MON2: variants seen among roughly 807,000 people sequenced by gnomAD.
MON2 encodes the protein MON2 regulator of endosome-to-Golgi trafficking.
Under a neutral mutation model 208.6 loss-of-function variants are expected in MON2, and 84 were observed. That is an observed-to-expected ratio of 0.40 (90% CI 0.34 to 0.48). The LOEUF is 0.48. MON2 is among the 20% of genes least tolerant of loss of function. The pLI, the probability that MON2 is intolerant of heterozygous loss-of-function variation, is 0.59. For synonymous variants in MON2, 660 were observed against 694.0 expected, an observed-to-expected ratio of 0.95 and a Z score of 0.77; for missense variants, 1,611 against 2,015.4, an observed-to-expected ratio of 0.80 and a Z score of 3.84.
intron 11 of MON2, among the ~76,000 whole-genome samples, chr12:62,528,029 C>T (rs555400473): frequency 6.6e-6 from 1 of 152,186 alleles, no homozygotes; most frequent in African/African-American, 2.4e-5. Flanking sequence ...TTAATTTTCT[C>T]TTCTTTAAGA....
rs1187465581 is a variant in MON2, at chr12:62,477,764, A to G, written c.112-6406A>G. Reference sequence around the variant, plus strand: ...CCTAACTGCTCCCCACCTCACCTCCATTCCTGCGCAAGTTACATAATGCTA... The same window carrying G: ...CCTAACTGCTCCCCACCTCACCTCCGTTCCTGCGCAAGTTACATAATGCTA... On this transcript the variant is annotated intron_variant, in intron 1 of 34. Transcript: ENST00000393630. Among the ~76,000 whole-genome samples the G allele has an allele frequency of 3.9e-5, 6 of 152,034 alleles. No homozygotes were observed. In the East Asian group the frequency reaches 1.2e-3, roughly 29 times the overall value.
chr12:62,566,162 T>C, intron 28 of MON2, 131 bp downstream of exon 28: 1 of 1,334,194 alleles, frequency 7.5e-7, no homozygotes, highest in South Asian at 1.4e-5. Flanking sequence ...AAATTATTTT[T>C]TTCATGAAGT....
chr12:62,557,411 G>A (rs1445222899), intron 25 of MON2, among the ~76,000 whole-genome samples: 1 of 152,188 alleles, frequency 6.6e-6, no homozygotes, highest in East Asian at 1.9e-4. Context: ...AGAGGCAAGG[G>A]TTGATGCTAC....
chr12:62,528,782 G>T (rs2072468807), intron 11 of MON2, among the ~76,000 whole-genome samples: 1 of 152,126 alleles, frequency 6.6e-6, no homozygotes, highest in African/African-American at 2.4e-5. Flanking sequence ...GCTCTCAAAG[G>T]CTAATTGGCC....
At chr12:62,509,695 T>A (rs1176937493) in intron 8 of MON2, among the ~76,000 whole-genome samples, 1 of 152,146 alleles carries the variant, frequency 6.6e-6, no homozygotes, top group East Asian at 1.9e-4. Context: ...ATACCAGGTA[T>A]CTTCTGTGAC....
Position 62,495,065 on chromosome 12 carries a change from G to A in MON2, c.353G>A (p.Ser118Asn), listed in dbSNP as rs766554700. 1.2e-6 allele frequency: 2 copies of A among 1,611,052 alleles called. No homozygotes were observed. The highest frequency in any genetic ancestry group is 1.3e-5 in the African/African-American group (1 of 74,876). Residue 118 changes from serine (S) to asparagine (N), a missense_variant, in exon 4 of 35, where the codon AGT becomes AAT. Transcript: ENST00000393630. ...ATGCTTTGGCAGCTAATGGAGAATA[G>A]TCTTGAAGAACTTAAGCTACTTCAA... ...INMLWQLMEN[S>N]LEELKLLQTV...
chr12:62,573,426 C>G (rs1012700145), intron 30 of MON2, among the ~76,000 whole-genome samples: 6 of 139,544 alleles, frequency 4.3e-5, no homozygotes, highest in African/African-American at 1.3e-4. Flanking sequence ...AGTAAAACTT[C>G]TTTAAGTATT....
chr12:62,583,782 C>T (rs2935141), intron 32 of MON2, among the ~76,000 whole-genome samples: 2 of 146,706 alleles, frequency 1.4e-5, no homozygotes, highest in Non-Finnish European at 3.0e-5. Flanking sequence ...AACCCTGTCT[C>T]TACTAAAAAA....
chr12:62,584,427 G>T (rs1208418588), intron 32 of MON2, among the ~76,000 whole-genome samples: 1 of 152,150 alleles, frequency 6.6e-6, no homozygotes, highest in Non-Finnish European at 1.5e-5. Context: ...CATGAGGCTG[G>T]GTGCCATGGC....
At position 62,524,635 on chromosome 12, in the gene MON2, T is replaced by C; in HGVS notation, c.1105T>C (p.Leu369=). 6.2e-7 allele frequency: 1 copy of C among 1,612,826 alleles called. No individual in the cohort carries two copies. The highest frequency in any genetic ancestry group is 1.3e-5 in the African/African-American group (1 of 75,024). The change falls in exon 9 of 35, where the codon TTA becomes CTA. Residue 369 remains leucine (L), a synonymous_variant. Transcript: ENST00000393630. ...IHRFCVQPQL[L]RSFCQSYDMK... ...CAGATTCTGTGTGCAGCCTCAACTA[T>C]TAAGGTAAAACCTCAGCAATAGTTT...
chr12:62,596,421 G>A lies in MON2; in HGVS notation c.*3672G>A, dbSNP rs1565728883. ...TTAGTGTACAGGCTCAGAATATTGT[G>A]GATTACAGTTTTTCAGAGAAAACTA... On this transcript the variant is annotated 3_prime_UTR_variant, in exon 35 of 35. Transcript: ENST00000393630. 1 of 152,120 alleles carries A rather than the reference G, an allele frequency of 6.6e-6. No homozygotes were observed. 9.4% of individuals were successfully genotyped at this position (152,120 alleles called of 1,614,324 possible).
At chr12:62,525,247 C>T (rs1336655486) in intron 10 of MON2, 27 bp downstream of exon 10, 2 of 1,609,520 alleles carry the variant, frequency 1.2e-6, no homozygotes, top group South Asian at 2.2e-5. Flanking sequence ...AATTTTGTTT[C>T]TTATATTCTG....
intron 2 of MON2, among the ~76,000 whole-genome samples, chr12:62,491,831 T>A (rs1238619699): frequency 6.6e-6 from 1 of 152,226 alleles, no homozygotes; most frequent in African/African-American, 2.4e-5. Flanking sequence ...TAACATTTAA[T>A]AAGGAGTGTT....
intron 15 of MON2, among the ~76,000 whole-genome samples, 153 bp downstream of exon 15, chr12:62,537,416 A>G (rs917944031): frequency 6.6e-6 from 1 of 152,226 alleles, no homozygotes; most frequent in African/African-American, 2.4e-5. Flanking sequence ...TATGCAGTTG[A>G]CATTACTGTA....
At position 62,500,823 on chromosome 12, in the gene MON2, C is replaced by T. The variant is rs778558969; in HGVS notation, c.606C>T (p.Asn202=). 1 of 1,595,868 alleles carries T rather than the reference C, an allele frequency of 6.3e-7. No homozygotes were observed. Among genetic ancestry groups the T allele is most frequent in the Non-Finnish European group, 8.5e-7 (1 of 1,171,832 alleles). Residue 202 remains asparagine, a synonymous_variant, in exon 6 of 35, where the codon AAC becomes AAT. Coordinates refer to ENST00000393630, the MANE Select transcript of MON2 (RefSeq NM_015026.3). The stretch of plus-strand genomic sequence containing the variant: ...CAGTACTGGTACAAGGAAATAGTAA[C>T]AGAAGATCTGTCAGTACCCTCAAAC... ...EQPVLVQGNS[N]RRSVSTLKPC... is the part of the protein sequence containing the mutation.
chr12:62,519,880 A>G (rs1381358724), intron 8 of MON2, among the ~76,000 whole-genome samples: 1 of 152,182 alleles, frequency 6.6e-6, no homozygotes, highest in African/African-American at 2.4e-5. Context: ...CCGTGGCGTG[A>G]TCTCGGCTCA....
intron 5 of MON2, among the ~76,000 whole-genome samples, chr12:62,500,284 T>G (rs1264334194): frequency 6.6e-6 from 1 of 152,192 alleles, no homozygotes; most frequent in African/African-American, 2.4e-5. Context: ...TACTAGTAGT[T>G]AAAGAAATGC....
chr12:62,573,786 C>T (rs1023405356), intron 30 of MON2, among the ~76,000 whole-genome samples: 11 of 151,582 alleles, frequency 7.3e-5, no homozygotes, highest in African/African-American at 2.7e-4. Flanking sequence ...ATCCCGTTTT[C>T]TGAAGTTTTT....
intron 8 of MON2, among the ~76,000 whole-genome samples, chr12:62,522,660 G>A (rs1396891605): frequency 3.3e-5 from 5 of 152,150 alleles, no homozygotes; most frequent in African/African-American, 1.2e-4. Context: ...TACCATAAGT[G>A]CTAATCTTAA....
Sources: gnomAD v4.1 joint callset for allele counts (sites outside exome capture counted in the v4.1 genomes callset) on GRCh38, gnomAD v4.1.1 for gene constraint, MANE v1.5 for transcripts, NCBI Gene and HGNC (gene_info 2026-07-23, HGNC 2026-07-21) for gene names.